The following DNAJC10 variants were observed in gnomAD, a reference collection of about 807,000 sequenced individuals.
DNAJC10 encodes the protein endoplasmic reticulum disulfide reductase DNAJC10.
Under a neutral mutation model 115.0 loss-of-function variants are expected in DNAJC10, and 101 were observed. That is an observed-to-expected ratio of 0.88 (90% CI 0.75 to 1.04). DNAJC10 has a LOEUF of 1.04. DNAJC10 is among the 50% of genes least tolerant of loss of function. The pLI is 0.00. For synonymous variants in DNAJC10, 307 were observed against 301.5 expected (o/e 1.02, Z -0.19); for missense variants, 981 against 928.8 (o/e 1.06, Z -0.73).
chr2:182,744,937 G>C (rs1006349966), intron 14 of DNAJC10, among the ~76,000 whole-genome samples: 1 of 152,022 alleles, frequency 6.6e-6, no homozygotes, highest in Non-Finnish European at 1.5e-5. Flanking sequence ...TCTCTTCTCT[G>C]TGCTTACTGC....
chr2:182,768,713 A>G (rs1694479681), intron 22 of DNAJC10, among the ~76,000 whole-genome samples: 1 of 152,164 alleles, frequency 6.6e-6, no homozygotes, highest in Non-Finnish European at 1.5e-5. Flanking sequence ...CTGTGCGCAG[A>G]TGAAAACTAG....
intron 15 of DNAJC10, 80 bp from the exon 16 acceptor site, chr2:182,751,992 C>T: frequency 7.9e-7 from 1 of 1,261,756 alleles, no homozygotes; most frequent in African/African-American, 1.5e-5. Flanking sequence ...TCTTACTTAG[C>T]ATATTACTTG....
rs775119216 is a variant in DNAJC10, at chr2:182,717,020, A to G, written c.-199A>G. ...ACATCATTATATTTTTCAAAGGTAT[A>G]TTTTTGTGGAATGAAAAGGAAGTAT... is the stretch of plus-strand genomic sequence containing the variant. On this transcript the variant is annotated 5_prime_UTR_variant, in exon 2 of 24. In the 5' UTR this introduces an upstream ATG that the reference lacks. Coordinates refer to ENST00000264065, the MANE Select transcript of DNAJC10 (RefSeq NM_018981.4). The G allele has an allele frequency of 8.5e-5, 13 of 152,326 alleles. No individual in the cohort carries two copies. The highest frequency in any genetic ancestry group is 3.4e-3 in the Middle Eastern group (1 of 294). 9.4% of individuals were successfully genotyped at this position (152,326 alleles called of 1,614,324 possible). A position where few individuals can be genotyped will look rare whatever the true frequency, so the allele number is the denominator to read the frequency against.
At position 182,787,243 on chromosome 2, in the gene DNAJC10, G is replaced by C. The variant is rs1053735629; in HGVS notation, c.*10111G>C. On this transcript the variant is annotated 3_prime_UTR_variant, in exon 24 of 24. Transcript: ENST00000264065. The stretch of plus-strand genomic sequence containing the variant: ...CTTCTTTTGGAAACTATACTGGCTT[G>C]ACAGTCTCCCCATACTGATTCAGAC... 3 of 152,208 alleles carry C rather than the reference G, an allele frequency of 2.0e-5. No homozygotes were observed. The East Asian group carries it at 5.8e-4, about 29-fold the overall frequency. The allele number at this position is 152,208 out of a possible 1,614,324, so 9.4% of individuals were successfully genotyped here. A position where few individuals can be genotyped will look rare whatever the true frequency, so the allele number is the denominator to read the frequency against.
At position 182,786,523 on chromosome 2, in the gene DNAJC10, A is replaced by G. The variant is rs577677273; in HGVS notation, c.*9391A>G. The G allele has an allele frequency of 6.6e-6, 1 of 152,288 alleles. No individual in the cohort carries two copies. The highest frequency in any genetic ancestry group is 2.1e-4 in the South Asian group (1 of 4,826). 9.4% of individuals were successfully genotyped at this position (152,288 alleles called of 1,614,324 possible). A position where few individuals can be genotyped will look rare whatever the true frequency, so the allele number is the denominator to read the frequency against. On this transcript the variant is annotated 3_prime_UTR_variant, in exon 24 of 24. Coordinates refer to ENST00000264065, the MANE Select transcript of DNAJC10 (RefSeq NM_018981.4). ...TCACCATTTTCTTCAAGGAAGATCA[A>G]CTGAACCTGCCTGAAGGCACAGGGT...
At position 182,757,725 on chromosome 2, in the gene DNAJC10, G is replaced by A; in HGVS notation, c.1843G>A (p.Asp615Asn). 3 of 1,600,570 alleles carry A rather than the reference G, an allele frequency of 1.9e-6. No individual in the cohort carries two copies. The highest frequency in any genetic ancestry group is 4.5e-5 in the East Asian group (2 of 44,410). Residue 615 changes from aspartate to asparagine, a missense_variant, in exon 19 of 24, where the codon GAT becomes AAT. Physicochemically the swap from Asp to Asn is conservative, Grantham distance 23 (BLOSUM62 1). Transcript: ENST00000264065. ...LTGLINVGSI[D>N]CQQYHSFCAQ... ...TGGACTGATCAACGTGGGCAGTATA[G>A]ATTGCCAACAGTATCATTCTTTTTG...
rs771032289 is a variant in DNAJC10, at chr2:182,755,024, A to C, written c.1573A>C (p.Thr525Pro). ...CNMYNIQAYP[T>P]TVVFNQSNIH... ...TCAGTATAACATTCAGGCTTATCCA[A>C]CAACAGTGGTATTCAACCAGTCCAA... The change falls in exon 17 of 24, where the codon ACA (threonine) becomes CCA (proline). Residue 525 changes from threonine (T) to proline (P), a missense_variant. Thr to Pro is a conservative substitution (Grantham distance 38, BLOSUM62 -1). Coordinates refer to ENST00000264065, the MANE Select transcript of DNAJC10 (RefSeq NM_018981.4). 1 of 1,604,776 alleles carries C rather than the reference A, an allele frequency of 6.2e-7. No homozygotes were observed. The highest frequency in any genetic ancestry group is 1.7e-5 in the Admixed American group (1 of 60,002).
rs567073177 is a variant in DNAJC10 at position 182,777,563 on chromosome 2, C to T, written c.*431C>T. 1 of 153,004 alleles carries T rather than the reference C, an allele frequency of 6.5e-6. No individual in the cohort carries two copies. The highest frequency in any genetic ancestry group is 1.5e-5 in the Non-Finnish European group (1 of 68,544). The allele number at this position is 153,004 out of a possible 1,614,324, so 9.5% of individuals were successfully genotyped here. On this transcript the variant is annotated 3_prime_UTR_variant, in exon 24 of 24. Coordinates refer to ENST00000264065, the MANE Select transcript of DNAJC10 (RefSeq NM_018981.4). Reference sequence around the variant, plus strand: ...CTTGAACATGAGTCTGCTGTGCTATCTACATAAATGTCTAAGTTGTATAAA... The same window carrying T: ...CTTGAACATGAGTCTGCTGTGCTATTTACATAAATGTCTAAGTTGTATAAA...
Position 182,756,483 on chromosome 2 carries a change from A to C in DNAJC10, c.1809+14A>C. ...AGAATGGCCCGGGTATAGTAAAAAT[A>C]GTTTATTTTAAATCTTAACATTTAC... On this transcript the variant is annotated intron_variant, in intron 18 of 23. Transcript: ENST00000264065. 3.1e-6 allele frequency: 5 copies of C among 1,598,386 alleles called. No individual in the cohort carries two copies. Among genetic ancestry groups the C allele is most frequent in the Non-Finnish European group, 4.3e-6 (5 of 1,174,596 alleles).
intron 14 of DNAJC10, 146 bp downstream of exon 14, chr2:182,743,858 T>G (rs1185727726): frequency 1.7e-6 from 1 of 605,568 alleles, no homozygotes; most frequent in African/African-American, 1.9e-5. Flanking sequence ...TATTTTGAAT[T>G]ATATGTAGTC....
At position 182,786,035 on chromosome 2, in the gene DNAJC10, T is replaced by C. The variant is rs563159368; in HGVS notation, c.*8903T>C. On this transcript the variant is annotated 3_prime_UTR_variant, in exon 24 of 24. Transcript: ENST00000264065. The stretch of plus-strand genomic sequence containing the variant: ...AGTTGTTAAATGGATGGCTGTATCA[T>C]AAGTATTGAAGCTGATAAGGGATAG... The C allele has an allele frequency of 3.3e-5, 5 of 152,284 alleles. No individual in the cohort carries two copies. The highest frequency in any genetic ancestry group is 1.2e-4 in the African/African-American group (5 of 41,560). The allele number at this position is 152,284 out of a possible 1,614,324, so 9.4% of individuals were successfully genotyped here. A position where few individuals can be genotyped will look rare whatever the true frequency, so the allele number is the denominator to read the frequency against.
intron 22 of DNAJC10, among the ~76,000 whole-genome samples, chr2:182,770,553 A>G (rs181455198): frequency 2.6e-5 from 4 of 152,188 alleles, no homozygotes; most frequent in South Asian, 4.2e-4. Flanking sequence ...TTGGATTCCT[A>G]GGTATTTTAT....
intron 22 of DNAJC10, among the ~76,000 whole-genome samples, chr2:182,764,926 G>A (rs1173138446): frequency 6.6e-6 from 1 of 152,134 alleles, no homozygotes; most frequent in Non-Finnish European, 1.5e-5. Flanking sequence ...AGTCTGATCT[G>A]CAGACATAAG....
rs148541325 is a variant in DNAJC10, at chr2:182,780,040, TTA to T, written c.*2910_*2911del. ...AATTAACAAAATGCATTTTAAATTT[TTA>T]TGATACCTATAGAAAATTGATAATG... On this transcript the variant is annotated 3_prime_UTR_variant, in exon 24 of 24. Coordinates refer to ENST00000264065, the MANE Select transcript of DNAJC10 (RefSeq NM_018981.4). 551 of 152,328 alleles carry T rather than the reference TTA, an allele frequency of 3.6e-3. 3 individuals are homozygous for T. The highest frequency in any genetic ancestry group is 0.012 in the African/African-American group (507 of 41,580). The allele number at this position is 152,328 out of a possible 1,614,324, so 9.4% of individuals were successfully genotyped here. A position where few individuals can be genotyped will look rare whatever the true frequency, so the allele number is the denominator to read the frequency against.
chr2:182,752,210 T>TA, intron 16 of DNAJC10, 22 bp downstream of exon 16: 4 of 1,261,240 alleles, frequency 3.2e-6, no homozygotes, highest in Non-Finnish European at 4.4e-6. Flanking sequence ...TATCAAAAAT[T>TA]ATTCTAATTA....
intron 9 of DNAJC10, 56 bp downstream of exon 9, chr2:182,731,163 G>C: frequency 7.3e-7 from 1 of 1,378,348 alleles, no homozygotes; most frequent in Non-Finnish European, 1.0e-6. Context: ...AATTTTTGGT[G>C]ACAGTTTTAA....
intron 14 of DNAJC10, among the ~76,000 whole-genome samples, chr2:182,746,249 C>T (rs570699800): frequency 3.3e-5 from 5 of 152,274 alleles, no homozygotes; most frequent in African/African-American, 1.2e-4. Context: ...TGGGTATATA[C>T]CCAGTAATGG....
Position 182,719,990 on chromosome 2 carries a change from C to T in DNAJC10, c.205-17C>T, listed in dbSNP as rs769964845. 1 of 1,351,550 alleles carries T rather than the reference C, an allele frequency of 7.4e-7. No individual in the cohort carries two copies. The highest frequency in any genetic ancestry group is 1.4e-5 in the African/African-American group (1 of 69,116). The allele number at this position is 1,351,550 out of a possible 1,614,324, so 83.7% of individuals were successfully genotyped here. On this transcript the variant is annotated splice_polypyrimidine_tract_variant and intron_variant, in intron 3 of 23. Coordinates refer to ENST00000264065, the MANE Select transcript of DNAJC10 (RefSeq NM_018981.4). ...TGTATCTGAAATAATTGTATTATAT[C>T]TAATATTTTTTAACAGAATAACCCA...
Position 182,757,743 on chromosome 2 carries a change from T to A in DNAJC10, c.1861T>A (p.Ser621Thr). The change falls in exon 19 of 24, where the codon TCT becomes ACT. Residue 621 changes from serine to threonine, a missense_variant. Coordinates refer to ENST00000264065, the MANE Select transcript of DNAJC10 (RefSeq NM_018981.4). ...CAGTATAGATTGCCAACAGTATCAT[T>A]CTTTTTGTGCCCAGGAAAACGTTCA... ...VGSIDCQQYH[S>T]FCAQENVQRY... 6.2e-7 allele frequency: 1 copy of A among 1,605,660 alleles called. No individual in the cohort carries two copies. The highest frequency in any genetic ancestry group is 8.5e-7 in the Non-Finnish European group (1 of 1,175,736).
Sources: gnomAD v4.1 joint callset for allele counts (sites outside exome capture counted in the v4.1 genomes callset) on GRCh38, gnomAD v4.1.1 for gene constraint, MANE v1.5 for transcripts, NCBI Gene and HGNC (gene_info 2026-07-23, HGNC 2026-07-21) for gene names.